Variants in ODAD1 observed in about 807,000 individuals in gnomAD.
The protein encoded by ODAD1 is outer dynein arm docking complex subunit 1.
Under a neutral mutation model 67.2 loss-of-function variants are expected in ODAD1, and 49 were observed. The observed-to-expected ratio is 0.73, with a 90% CI of 0.58 to 0.92. The LOEUF (loss-of-function observed/expected upper bound fraction) is 0.92. Among genes scored for constraint, ODAD1 ranks in the 40% least tolerant of loss-of-function variants. The pLI, the probability that ODAD1 is intolerant of heterozygous loss-of-function variation, is 0.00. For missense variants in ODAD1, 897 were observed against 953.7 expected (o/e 0.94, Z 0.78); for synonymous variants, 345 against 393.7 (o/e 0.88, Z 1.46).
chr19:48,317,889 A>G (rs964520182), intron 5 of ODAD1, among the ~76,000 whole-genome samples: 14 of 152,150 alleles, frequency 9.2e-5, no homozygotes, highest in African/African-American at 3.4e-4. Context: ...TGGCTAACAC[A>G]GTAAAATCCT....
rs1170963122 is a variant in ODAD1 at position 48,321,858 on chromosome 19, A to G, written c.-244T>C. ...GGTGTCGAAGCCGGGAGTTGCGCGG[A>G]GAAGGAGCGCTCAACACAGCCTCAG... On this transcript the variant is annotated 5_prime_UTR_variant, in exon 1 of 16. Coordinates refer to ENST00000674294, the MANE Select transcript of ODAD1 (RefSeq NM_001364171.2). The G allele has an allele frequency of 2.5e-6, 1 of 398,590 alleles. No individual in the cohort carries two copies. Among genetic ancestry groups the G allele is most frequent in the Non-Finnish European group, 4.4e-6 (1 of 226,026 alleles). The allele number at this position is 398,590 out of a possible 1,614,324, so 24.7% of individuals were successfully genotyped here.
rs780998466 is a variant in ODAD1 at position 48,311,511 on chromosome 19, C to T, written c.597+42G>A. ...CAAACAGCTGTGGGGAGGACCTGCGCAGGGGTCCCTGTCTCCTCCCCTGGA... is the reference window on the plus strand; with the variant it reads ...CAAACAGCTGTGGGGAGGACCTGCGTAGGGGTCCCTGTCTCCTCCCCTGGA... On this transcript the variant is annotated intron_variant, in intron 7 of 15. Coordinates refer to ENST00000674294, the MANE Select transcript of ODAD1 (RefSeq NM_001364171.2). 4.3e-5 allele frequency: 50 copies of T among 1,167,964 alleles called. 1 individual carries two copies. Among genetic ancestry groups the T allele is most frequent in the Non-Finnish European group, 6.1e-5 (49 of 798,436 alleles). The allele number at this position is 1,167,964 out of a possible 1,614,324, so 72.4% of individuals were successfully genotyped here. A position where few individuals can be genotyped will look rare whatever the true frequency, so the allele number is the denominator to read the frequency against.
In ODAD1 at chr19:48,297,504, C is replaced by G. The variant is rs1268401066; in HGVS notation, c.1596G>C (p.Glu532Asp). 3.7e-6 allele frequency: 6 copies of G among 1,604,100 alleles called. No homozygotes were observed. The highest frequency in any genetic ancestry group is 5.1e-6 in the Non-Finnish European group (6 of 1,176,298). Reference protein sequence around the residue: ...SQVEKLVELQEQAEAQRQKDL... With the variant: ...SQVEKLVELQDQAEAQRQKDL... ...CCTTCTGGCGCTGCGCCTCCGCCTGCTCCTGGAGCTCCACCTGCAGGGAAG... is the reference window on the plus strand; with the variant it reads ...CCTTCTGGCGCTGCGCCTCCGCCTGGTCCTGGAGCTCCACCTGCAGGGAAG... The change falls in exon 16 of 16, where the codon GAG becomes GAC. Residue 532 changes from glutamate (E) to aspartate (D), a missense_variant. By Grantham distance (45) the Glu-to-Asp change is conservative (BLOSUM62 2). Coordinates refer to ENST00000674294, the MANE Select transcript of ODAD1 (RefSeq NM_001364171.2).
intron 3 of ODAD1, chr19:48,319,476 G>C (rs1968984677): frequency 1.0e-6 from 1 of 982,346 alleles, no homozygotes; most frequent in African/African-American, 1.7e-5. Flanking sequence ...CAAAGGCCCA[G>C]TAGTTTTCAA....
chr19:48,314,252 A>G (rs904047758), intron 5 of ODAD1, among the ~76,000 whole-genome samples: 5 of 152,220 alleles, frequency 3.3e-5, no homozygotes, highest in Non-Finnish European at 7.3e-5. Context: ...AACCGGCAGA[A>G]GCAGAGAGAG....
Position 48,296,800 on chromosome 19 carries a change from G to A in ODAD1, c.*176C>T. 1 of 1,422,836 alleles carries A rather than the reference G, an allele frequency of 7.0e-7. No homozygotes were observed. Among genetic ancestry groups the A allele is most frequent in the South Asian group, 1.6e-5 (1 of 63,472 alleles). The allele number at this position is 1,422,836 out of a possible 1,614,324, so 88.1% of individuals were successfully genotyped here. On this transcript the variant is annotated 3_prime_UTR_variant, in exon 16 of 16. Transcript: ENST00000674294. ...TCAGGAGCAGAGAGAAAGGAACCGG[G>A]AGACACAGGTGAGGCGGTGATGAAG...
Position 48,296,784 on chromosome 19 carries a change from G to C in ODAD1, c.*192C>G. Reference sequence around the variant, plus strand: ...AGAGGGAAAAGCAGTGTCAGGAGCAGAGAGAAAGGAACCGGGAGACACAGG... The same window carrying C: ...AGAGGGAAAAGCAGTGTCAGGAGCACAGAGAAAGGAACCGGGAGACACAGG... On this transcript the variant is annotated 3_prime_UTR_variant, in exon 16 of 16. Transcript: ENST00000674294. The C allele has an allele frequency of 1.4e-6, 2 of 1,418,408 alleles. No homozygotes were observed. The highest frequency in any genetic ancestry group is 1.8e-6 in the Non-Finnish European group (2 of 1,093,184). 87.9% of individuals were successfully genotyped at this position (1,418,408 alleles called of 1,614,324 possible).
At chr19:48,321,344 G>C (rs902516987) in intron 1 of ODAD1, among the ~76,000 whole-genome samples, 1 of 152,350 alleles carries the variant, frequency 6.6e-6, no homozygotes, top group African/African-American at 2.4e-5. Context: ...AGAGGTGCAC[G>C]GCTGTGAGGC....
intron 12 of ODAD1, among the ~76,000 whole-genome samples, chr19:48,299,432 C>T (rs146219927): frequency 6.6e-6 from 1 of 152,178 alleles, no homozygotes; most frequent in African/African-American, 2.4e-5. Flanking sequence ...TAAAAGCTAA[C>T]AATAAATGTT....
Position 48,302,761 on chromosome 19 carries a change from G to A in ODAD1, c.1173C>T (p.His391=), listed in dbSNP as rs557868204. Reference sequence around the variant, plus strand: ...GGGCCTCAAGGCGCTCAGCCTCCGAGTGCACCTTGTCCATGCGCTGCTGCA... The same window carrying A: ...GGGCCTCAAGGCGCTCAGCCTCCGAATGCACCTTGTCCATGCGCTGCTGCA... ...KVLQQRMDKV[H]SEAERLEARF... The change falls in exon 12 of 16, where the codon CAC becomes CAT. Residue 391 remains histidine (H), a synonymous_variant. Transcript: ENST00000674294. 6.2e-7 allele frequency: 1 copy of A among 1,613,800 alleles called. No homozygotes were observed. The highest frequency in any genetic ancestry group is 8.5e-7 in the Non-Finnish European group (1 of 1,180,034).
At position 48,311,591 on chromosome 19, in the gene ODAD1, T is replaced by C; in HGVS notation, c.559A>G (p.Arg187Gly). ...REELDLLRID[R>G]NRYLNVDRKL... is the part of the protein sequence containing the mutation. The stretch of plus-strand genomic sequence containing the variant: ...CGGTCCACGTTCAGATAGCGGTTCC[T>C]GTCGATCCGCAGCAGATCCAGCTCC... The change falls in exon 7 of 16, where the codon AGG becomes GGG. Residue 187 changes from arginine to glycine, a missense_variant. Physicochemically the swap from Arg to Gly is moderately radical, Grantham distance 125 (BLOSUM62 -2). Coordinates refer to ENST00000674294, the MANE Select transcript of ODAD1 (RefSeq NM_001364171.2). 6.4e-7 allele frequency: 1 copy of C among 1,551,024 alleles called. No individual in the cohort carries two copies. The highest frequency in any genetic ancestry group is 8.7e-7 in the Non-Finnish European group (1 of 1,146,462).
chr19:48,318,337 A>G (rs1350846690), intron 5 of ODAD1, 50 bp downstream of exon 5: 3 of 1,488,672 alleles, frequency 2.0e-6, no homozygotes, highest in Admixed American at 2.0e-5. Flanking sequence ...CAGGGAGGTT[A>G]CAACACTTGC....
intron 7 of ODAD1, among the ~76,000 whole-genome samples, chr19:48,306,866 G>C (rs1446088294): frequency 6.6e-6 from 1 of 152,090 alleles, no homozygotes; most frequent in African/African-American, 2.4e-5. Context: ...GGCCAACATA[G>C]AGAAACTCCA....
chr19:48,320,152 G>A (rs1334762242), intron 3 of ODAD1, 147 bp downstream of exon 3: 4 of 847,044 alleles, frequency 4.7e-6, no homozygotes, highest in South Asian at 2.2e-5. Flanking sequence ...CGTGGTGCCC[G>A]CCCCGCCTCC....
At chr19:48,297,846 G>T in intron 14 of ODAD1, 154 bp downstream of exon 14, 1 of 826,302 alleles carries the variant, frequency 1.2e-6, no homozygotes, top group Non-Finnish European at 1.8e-6. Flanking sequence ...TACTCCTTCT[G>T]GCTGCCTCGA....
At position 48,297,094 on chromosome 19, in the gene ODAD1, C is replaced by G. The variant is rs760737634; in HGVS notation, c.2006G>C (p.Gly669Ala). ...GENTEGGVESGGTASDSSGGL... is the reference protein window; with the variant it reads ...GENTEGGVESAGTASDSSGGL... ...TCCGCTCGAATCAGACGCTGTGCCT[C>G]CGCTCTCCACACCACCCTCTGTGTT... Residue 669 changes from glycine (G) to alanine (A), a missense_variant, in exon 16 of 16, where the codon GGA becomes GCA. By Grantham distance (60) the Gly-to-Ala change is moderately conservative. Transcript: ENST00000674294. 1 of 1,613,564 alleles carries G rather than the reference C, an allele frequency of 6.2e-7. No individual in the cohort carries two copies. Among genetic ancestry groups the G allele is most frequent in the South Asian group, 1.1e-5 (1 of 91,084 alleles).
In ODAD1 at chr19:48,297,660, G is replaced by C; in HGVS notation, c.1511C>G (p.Pro504Arg). 6.6e-7 allele frequency: 1 copy of C among 1,511,918 alleles called. No individual in the cohort carries two copies. The highest frequency in any genetic ancestry group is 8.8e-7 in the Non-Finnish European group (1 of 1,131,452). The allele number at this position is 1,511,918 out of a possible 1,614,324, so 93.7% of individuals were successfully genotyped here. A position where few individuals can be genotyped will look rare whatever the true frequency, so the allele number is the denominator to read the frequency against. Residue 504 changes from proline (P) to arginine (R), a missense_variant, in exon 15 of 16, where the codon CCC becomes CGC. By Grantham distance (103) the Pro-to-Arg change is moderately radical. Coordinates refer to ENST00000674294, the MANE Select transcript of ODAD1 (RefSeq NM_001364171.2). ...PLQPPDTLED[P>R]PGFEASDDYP... ...GTCATCGCTGGCCTCAAAACCCGGG[G>C]GGTCTTCTCTGGGGAGGGGAAGGAA...
chr19:48,297,807 C>G (rs890769995), intron 14 of ODAD1, 139 bp from the exon 15 acceptor site: 4 of 890,034 alleles, frequency 4.5e-6, no homozygotes, highest in Non-Finnish European at 1.6e-6. Flanking sequence ...CACCCGGGGC[C>G]CCATCCTCCC....
intron 4 of ODAD1, 65 bp downstream of exon 4, chr19:48,318,648 G>A: frequency 2.0e-6 from 3 of 1,533,804 alleles, no homozygotes; most frequent in Non-Finnish European, 2.7e-6. Context: ...GCAGGACCCA[G>A]GAGTCCAGTC....
Sources: allele counts gnomAD v4.1 joint callset (sites outside exome capture counted in the v4.1 genomes callset), GRCh38; gene constraint gnomAD v4.1.1; transcripts MANE v1.5; gene names NCBI Gene and HGNC (gene_info 2026-07-23, HGNC 2026-07-21).